BRSK2: variants seen among roughly 807,000 people sequenced by gnomAD.
BRSK2 encodes the protein BR serine/threonine kinase 2.
Under a neutral mutation model 83.3 loss-of-function variants are expected in BRSK2, and 19 were observed. The observed-to-expected ratio is 0.23, with a 90% CI of 0.16 to 0.33. The LOEUF (loss-of-function observed/expected upper bound fraction) is 0.33, where lower values mean the gene tolerates loss of function less well. BRSK2 is among the 10% of genes least tolerant of loss of function. The pLI is 1.00. For missense variants in BRSK2, 798 were observed against 1,042.3 expected (o/e 0.77, Z 3.23); for synonymous variants, 519 against 435.4 (o/e 1.19, Z -2.39).
chr11:1,445,201 T>G, intron 9 of BRSK2, 93 bp from the exon 10 acceptor site: 16 of 1,508,706 alleles, frequency 1.1e-5, no homozygotes, highest in Non-Finnish European at 1.4e-5. Context: ...AGTGGCAGGA[T>G]GAAGGGCCCC....
rs758320038 is a variant in BRSK2, at chr11:1,454,261, T to C, written c.1545-224T>C. ...CAGGGCGTTAGGGCTTGGAGAAAGG[T>C]TAGGGTTGGGGTTGGGGTTAGAGCC... On this transcript the variant is annotated intron_variant, in intron 15 of 19. Coordinates refer to ENST00000528841, the MANE Select transcript of BRSK2 (RefSeq NM_001256627.2). The surrounding 1 kb of genome is among the most constrained non-coding windows in gnomAD (Gnocchi z 5.2). The C allele has an allele frequency of 3.8e-4, 182 of 474,554 alleles. No homozygotes were observed. The highest frequency in any genetic ancestry group is 6.3e-4 in the Non-Finnish European group (165 of 262,626). The allele number at this position is 474,554 out of a possible 1,614,324, so 29.4% of individuals were successfully genotyped here.
intron 18 of BRSK2, 96 bp from the exon 19 acceptor site, chr11:1,459,096 C>A: frequency 7.8e-7 from 1 of 1,278,094 alleles, no homozygotes; most frequent in Non-Finnish European, 1.1e-6. Flanking sequence ...ACTCCTGGCT[C>A]CACCCCCTCC....
intron 1 of BRSK2, among the ~76,000 whole-genome samples, chr11:1,399,108 C>T (rs955706463): frequency 6.6e-6 from 1 of 152,160 alleles, no homozygotes; most frequent in East Asian, 1.9e-4. Flanking sequence ...GCAGGCAGCC[C>T]CGCCCCAGGC....
At chr11:1,398,978 G>T (rs1269443037) in intron 1 of BRSK2, among the ~76,000 whole-genome samples, 1 of 152,234 alleles carries the variant, frequency 6.6e-6, no homozygotes, top group Non-Finnish European at 1.5e-5. Context: ...GCCGTCCTGG[G>T]TCTTTGGGTC....
intron 3 of BRSK2, among the ~76,000 whole-genome samples, chr11:1,439,335 G>A (rs933509069): frequency 9.2e-5 from 14 of 152,130 alleles, no homozygotes; most frequent in Non-Finnish European, 1.8e-4. Flanking sequence ...GCTGGGGAGA[G>A]GAAACCCAGG....
chr11:1,448,956 G>A (rs1430705132), intron 12 of BRSK2, among the ~76,000 whole-genome samples: 2 of 152,188 alleles, frequency 1.3e-5, no homozygotes, highest in African/African-American at 2.4e-5. Context: ...AGTGCAGGCC[G>A]GGCTTTTACT....
intron 1 of BRSK2, among the ~76,000 whole-genome samples, chr11:1,422,784 C>T (rs1156448900): frequency 6.6e-6 from 1 of 152,156 alleles, no homozygotes; most frequent in African/African-American, 2.4e-5. Flanking sequence ...GTTTTGCCAG[C>T]TGTTTGCCCA....
In BRSK2 at chr11:1,396,357, A is replaced by G. The variant is rs866571126; in HGVS notation, c.91+5982A>G. Among the ~76,000 whole-genome samples the G allele has an allele frequency of 3.9e-5, 6 of 152,092 alleles. No homozygotes were observed. In the South Asian group the frequency reaches 1.2e-3, roughly 32 times the overall value. Reference sequence around the variant, plus strand: ...AGCAAGGCCTGTACCCCAGGACACCAGAGTTGCTCGGACCGGCTCCCGGAC... The same window carrying G: ...AGCAAGGCCTGTACCCCAGGACACCGGAGTTGCTCGGACCGGCTCCCGGAC... On this transcript the variant is annotated intron_variant, in intron 1 of 19. Coordinates refer to ENST00000528841, the MANE Select transcript of BRSK2 (RefSeq NM_001256627.2).
In BRSK2 at chr11:1,445,375, C is replaced by T. The variant is rs371631087; in HGVS notation, c.894C>T (p.Ile298=). 67 of 1,611,688 alleles carry T rather than the reference C, an allele frequency of 4.2e-5. 1 individual carries two copies. Among genetic ancestry groups the T allele is most frequent in the East Asian group, 3.1e-4 (14 of 44,852 alleles). ...QIRSLPSLED[I]DPDVLDSMHS... is the part of the protein sequence containing the mutation. The stretch of plus-strand genomic sequence containing the variant: ...GCTCGCTGCCCAGCCTGGAGGACAT[C>T]GACCCCGACGTGCTGGACAGCATGC... Residue 298 remains isoleucine (I), a synonymous_variant, in exon 10 of 20, where the codon ATC becomes ATT. Transcript: ENST00000528841.
chr11:1,434,180 C>A lies in BRSK2; in HGVS notation c.92-1860C>A, dbSNP rs570769644. 2.0e-5 allele frequency among the ~76,000 whole-genome samples: 3 copies of A among 152,240 alleles called. No homozygotes were observed. In the East Asian group the frequency reaches 5.8e-4, roughly 29 times the overall value. On this transcript the variant is annotated intron_variant, in intron 1 of 19. Coordinates refer to ENST00000528841, the MANE Select transcript of BRSK2 (RefSeq NM_001256627.2). ...GCACACCCACACGGTCAGTAAACAC[C>A]GGTGACGTCCCGCGGGTCAACAGGG...
chr11:1,459,102 C>G (rs988791213), intron 18 of BRSK2, 90 bp from the exon 19 acceptor site: 2 of 1,355,226 alleles, frequency 1.5e-6, no homozygotes, highest in African/African-American at 2.9e-5. Flanking sequence ...GGCTCCACCC[C>G]CTCCCCATCG....
At chr11:1,456,134 C>CT (rs2133258716) in intron 16 of BRSK2, among the ~76,000 whole-genome samples, 2 of 152,284 alleles carry the variant, frequency 1.3e-5, no homozygotes, top group East Asian at 1.9e-4. Flanking sequence ...GCTGTGCCCG[C>CT]TAAGTGGACC....
At chr11:1,455,980 C>T (rs1460207273) in intron 16 of BRSK2, among the ~76,000 whole-genome samples, 2 of 152,156 alleles carry the variant, frequency 1.3e-5, no homozygotes, top group East Asian at 1.9e-4. Flanking sequence ...CCCAGACCCC[C>T]CACCTCCCAC....
chr11:1,459,050 C>A, intron 18 of BRSK2, 142 bp from the exon 19 acceptor site: 1 of 795,282 alleles, frequency 1.3e-6, no homozygotes, highest in Non-Finnish European at 2.1e-6. Flanking sequence ...TCTGGCCCCC[C>A]CAGTATTCCC....
rs1411389216 is a variant in BRSK2 at position 1,454,710 on chromosome 11, G to A, written c.1668+102G>A. On this transcript the variant is annotated intron_variant, in intron 16 of 19. Transcript: ENST00000528841. The surrounding 1 kb of genome is among the most constrained non-coding windows in gnomAD (Gnocchi z 5.2). Reference sequence around the variant, plus strand: ...TCACGTAGACAGGACATGTCCACGCGCACAGCACGGACGTCCGCTCACCCG... The same window carrying A: ...TCACGTAGACAGGACATGTCCACGCACACAGCACGGACGTCCGCTCACCCG... 41 of 1,432,188 alleles carry A rather than the reference G, an allele frequency of 2.9e-5. No homozygotes were observed. The highest frequency in any genetic ancestry group is 2.4e-4 in the Middle Eastern group (1 of 4,096). The allele number at this position is 1,432,188 out of a possible 1,614,324, so 88.7% of individuals were successfully genotyped here.
At chr11:1,393,128 C>T (rs1590281922) in intron 1 of BRSK2, among the ~76,000 whole-genome samples, 3 of 152,132 alleles carry the variant, frequency 2.0e-5, no homozygotes, top group African/African-American at 4.8e-5. Context: ...GCAGAGATGC[C>T]GAGACACAGT....
intron 1 of BRSK2, among the ~76,000 whole-genome samples, chr11:1,416,234 G>A (rs1209639603): frequency 2.6e-5 from 4 of 152,206 alleles, no homozygotes; most frequent in East Asian, 1.9e-4. Context: ...TTAAGAGTAC[G>A]GAGGGTCCTG....
Position 1,457,377 on chromosome 11 carries a change from C to T in BRSK2, c.1939+690C>T, listed in dbSNP as rs184207057. 5.3e-3 allele frequency among the ~76,000 whole-genome samples: 813 copies of T among 152,328 alleles called. 3 individuals are homozygous for T. Among genetic ancestry groups the T allele is most frequent in the Non-Finnish European group, 8.8e-3 (598 of 68,010 alleles). ...CAGAGGGGCTTGAGCCCAGCCAGAG[C>T]GGGGGCTTCACCACAGCCTGATGGG... On this transcript the variant is annotated intron_variant, in intron 18 of 19. Transcript: ENST00000528841.
In BRSK2 at chr11:1,423,994, C is replaced by T. The variant is rs958179624; in HGVS notation, c.92-12046C>T. Reference sequence around the variant, plus strand: ...AAGGCTGGTAGTTGGGTTTAGTGTCCACCCCAAATCTGGGGCTATGTTATA... The same window carrying T: ...AAGGCTGGTAGTTGGGTTTAGTGTCTACCCCAAATCTGGGGCTATGTTATA... On this transcript the variant is annotated intron_variant, in intron 1 of 19. Transcript: ENST00000528841. The surrounding 1 kb of genome is among the most constrained non-coding windows in gnomAD (Gnocchi z 6.5). Among the ~76,000 whole-genome samples the T allele has an allele frequency of 1.8e-4, 27 of 152,164 alleles. No individual in the cohort carries two copies. Among genetic ancestry groups the T allele is most frequent in the Admixed American group, 1.8e-3 (27 of 15,286 alleles).
Sources: gnomAD v4.1 joint callset for allele counts (sites outside exome capture counted in the v4.1 genomes callset) on GRCh38, gnomAD v4.1.1 for gene constraint, Gnocchi (gnomAD v3.1) non-coding constraint, MANE v1.5 for transcripts, NCBI Gene and HGNC (gene_info 2026-07-23, HGNC 2026-07-21) for gene names.